The following GRB10 variants were observed in gnomAD, a reference collection of about 807,000 sequenced individuals.
The protein encoded by GRB10 is growth factor receptor-bound protein 10.
Under a neutral mutation model 80.9 loss-of-function variants are expected in GRB10, and 20 were observed. That is an observed-to-expected ratio of 0.25 (90% CI 0.17 to 0.36). The LOEUF is 0.36. GRB10 is among the 10% of genes least tolerant of loss of function. The pLI is 1.00. For synonymous variants in GRB10, 291 were observed against 291.5 expected, an observed-to-expected ratio of 1.00 and a Z score of 0.02; for missense variants, 548 against 747.7, an observed-to-expected ratio of 0.73 and a Z score of 3.12.
chr7:50,614,854 G>A lies in GRB10; in HGVS notation c.1011C>T (p.Ala337=), dbSNP rs375141551. 4.1e-5 allele frequency: 66 copies of A among 1,613,668 alleles called. No individual in the cohort carries two copies. In the African/African-American group the frequency reaches 5.7e-4, roughly 14 times the overall value. ...SKEPRHLQLL[A]DLEDSNIFSL... ...AGAAGATGTTGCTGTCCTCCAGGTC[G>A]GCCAGCAGCTGCAGGTGTCTGGGTT... Residue 337 remains alanine, a synonymous_variant, in exon 12 of 19, where the codon GCC becomes GCT. Transcript: ENST00000401949.
At position 50,604,257 on chromosome 7, in the gene GRB10, G is replaced by C. The variant is rs1287060995; in HGVS notation, c.1456+54C>G. 2.1e-5 allele frequency: 31 copies of C among 1,446,952 alleles called. No homozygotes were observed. In the East Asian group the frequency reaches 6.6e-4, roughly 31 times the overall value. 89.6% of individuals were successfully genotyped at this position (1,446,952 alleles called of 1,614,324 possible). A position where few individuals can be genotyped will look rare whatever the true frequency, so the allele number is the denominator to read the frequency against. Reference sequence around the variant, plus strand: ...TAAGGCTGAGGGGGAGTGGAGGGGGGTGCTGTTTGATTTTCTTTATGTACA... The same window carrying C: ...TAAGGCTGAGGGGGAGTGGAGGGGGCTGCTGTTTGATTTTCTTTATGTACA... On this transcript the variant is annotated intron_variant, in intron 16 of 18. Coordinates refer to ENST00000401949, the MANE Select transcript of GRB10 (RefSeq NM_001350814.2).
At chr7:50,692,738 G>A (rs952044761) in intron 5 of GRB10, among the ~76,000 whole-genome samples, 3 of 152,126 alleles carry the variant, frequency 2.0e-5, no homozygotes, top group Non-Finnish European at 4.4e-5. Context: ...AAAGACATGT[G>A]TACTGCCCTC....
intron 3 of GRB10, among the ~76,000 whole-genome samples, chr7:50,750,474 C>T (rs1421313261): frequency 2.0e-5 from 3 of 152,128 alleles, no homozygotes; most frequent in African/African-American, 7.2e-5. Context: ...TGCCATTCAC[C>T]CTCCATTTCA....
At chr7:50,757,415 G>A (rs1293485819) in intron 2 of GRB10, among the ~76,000 whole-genome samples, 1 of 152,194 alleles carries the variant, frequency 6.6e-6, no homozygotes, top group Non-Finnish European at 1.5e-5. Context: ...CCATTTTCAG[G>A]TGTGAAACAC....
intron 7 of GRB10, among the ~76,000 whole-genome samples, chr7:50,647,843 G>A (rs557678750): frequency 2.4e-4 from 37 of 152,302 alleles, no homozygotes; most frequent in South Asian, 1.7e-3. Context: ...CTGGGGTGGC[G>A]TGAAACTCAA....
intron 8 of GRB10, among the ~76,000 whole-genome samples, chr7:50,622,848 T>G (rs1429611135): frequency 2.0e-5 from 3 of 151,984 alleles, no homozygotes. Flanking sequence ...TGGAGTGCAG[T>G]GATGCAAACA....
At position 50,627,451 on chromosome 7, in the gene GRB10, G is replaced by A. The variant is rs574593454; in HGVS notation, c.505-473C>T. On this transcript the variant is annotated intron_variant, in intron 7 of 18. Coordinates refer to ENST00000401949, the MANE Select transcript of GRB10 (RefSeq NM_001350814.2). ...TTCTCCCAGGGCACAGGGTCCAGCAGCGGCACCTACAGCCTTTCCCGCAGC... is the reference window on the plus strand; with the variant it reads ...TTCTCCCAGGGCACAGGGTCCAGCAACGGCACCTACAGCCTTTCCCGCAGC... 5.3e-5 allele frequency among the ~76,000 whole-genome samples: 8 copies of A among 152,324 alleles called. No individual in the cohort carries two copies. In the East Asian group the frequency reaches 1.5e-3, roughly 29 times the overall value.
intron 2 of GRB10, chr7:50,761,882 T>C: frequency 6.6e-6 from 1 of 152,086 alleles, no homozygotes; most frequent in Non-Finnish European, 1.5e-5. Flanking sequence ...GTGTGGCACC[T>C]CCCCCCACTT....
At chr7:50,716,799 G>C (rs1360485713) in intron 4 of GRB10, among the ~76,000 whole-genome samples, 1 of 152,170 alleles carries the variant, frequency 6.6e-6, no homozygotes, top group Non-Finnish European at 1.5e-5. Context: ...CGGCTGGCGT[G>C]GTCTGGAGAG....
intron 4 of GRB10, among the ~76,000 whole-genome samples, chr7:50,704,648 C>G (rs1051069332): frequency 9.2e-5 from 14 of 152,322 alleles, no homozygotes; most frequent in African/African-American, 3.1e-4. Context: ...AGATGTGCCC[C>G]AGAACTACTA....
intron 7 of GRB10, among the ~76,000 whole-genome samples, chr7:50,633,454 G>T (rs1311913996): frequency 6.6e-6 from 1 of 152,150 alleles, no homozygotes; most frequent in African/African-American, 2.4e-5. Context: ...AATAAGTAGT[G>T]ACCGCTTCTA....
chr7:50,643,582 G>A (rs925714017), intron 7 of GRB10, among the ~76,000 whole-genome samples: 2 of 152,158 alleles, frequency 1.3e-5, no homozygotes, highest in African/African-American at 4.8e-5. Flanking sequence ...ACCTGAACGA[G>A]GTCTGTAGAT....
chr7:50,682,227 C>T (rs1400220281), intron 5 of GRB10, among the ~76,000 whole-genome samples: 1 of 152,228 alleles, frequency 6.6e-6, no homozygotes, highest in Admixed American at 6.5e-5. Context: ...ATTTTAGGAG[C>T]CCCTGACCCC....
chr7:50,682,204 G>A (rs1175686950), intron 5 of GRB10, among the ~76,000 whole-genome samples: 4 of 152,234 alleles, frequency 2.6e-5, no homozygotes, highest in African/African-American at 9.6e-5. Context: ...GGAGCAGTTG[G>A]CTAAACACAG....
chr7:50,789,875 C>T (rs1393697501), intron 1 of GRB10, among the ~76,000 whole-genome samples: 1 of 152,156 alleles, frequency 6.6e-6, no homozygotes, highest in Non-Finnish European at 1.5e-5. Flanking sequence ...GTTGCCATCT[C>T]AAAGGACAAT....
chr7:50,748,951 T>A (rs2073581334), intron 3 of GRB10, among the ~76,000 whole-genome samples: 1 of 152,182 alleles, frequency 6.6e-6, no homozygotes, highest in Non-Finnish European at 1.5e-5. Flanking sequence ...AGGTGCTACA[T>A]TAAAAGACAT....
At chr7:50,748,264 C>G (rs138312793) in intron 3 of GRB10, among the ~76,000 whole-genome samples, 1 of 152,162 alleles carries the variant, frequency 6.6e-6, no homozygotes, top group East Asian at 1.9e-4. Flanking sequence ...GAGGAGGCCC[C>G]GTGGCCCATG....
rs1470573127 is a variant in GRB10 at position 50,674,419 on chromosome 7, A to G, written c.362+17T>C. ...CTCATCCTTGGAGAAGGCTCTGCCC[A>G]TAAGGCCTGGACCTACCTGACAGCG... On this transcript the variant is annotated intron_variant, in intron 6 of 18. Coordinates refer to ENST00000401949, the MANE Select transcript of GRB10 (RefSeq NM_001350814.2). 1.9e-6 allele frequency: 3 copies of G among 1,600,518 alleles called. No individual in the cohort carries two copies. Among genetic ancestry groups the G allele is most frequent in the East Asian group, 2.2e-5 (1 of 44,884 alleles).
At chr7:50,607,995 C>T (rs1431800679) in intron 13 of GRB10, among the ~76,000 whole-genome samples, 1 of 152,132 alleles carries the variant, frequency 6.6e-6, no homozygotes, top group South Asian at 2.1e-4. Flanking sequence ...GATAAAAATA[C>T]CTAGAACATG....
Sources: gnomAD v4.1 joint callset for allele counts (sites outside exome capture counted in the v4.1 genomes callset) on GRCh38, gnomAD v4.1.1 for gene constraint, MANE v1.5 for transcripts, NCBI Gene and HGNC (gene_info 2026-07-23, HGNC 2026-07-21) for gene names.